The following RAD51B variants were observed in gnomAD, a reference collection of about 807,000 sequenced individuals.
The protein encoded by RAD51B is RAD51 paralog B.
Under a neutral mutation model 42.2 loss-of-function variants are expected in RAD51B, and 38 were observed. The ratio of observed to expected loss-of-function variants is 0.90; its 90% CI spans 0.70 to 1.18. The LOEUF (loss-of-function observed/expected upper bound fraction) is 1.18. Ranked by LOEUF, RAD51B falls within the 50% of genes most tolerant of loss-of-function variation. The probability of loss-of-function intolerance (pLI) is 0.00; values close to 1 mark genes in which losing one functional copy is unlikely to be tolerated. For synonymous variants in RAD51B, 154 were observed against 145.2 expected, an observed-to-expected ratio of 1.06 and a Z score of -0.43; for missense variants, 373 against 400.7, an observed-to-expected ratio of 0.93 and a Z score of 0.59.
intron 7 of RAD51B, among the ~76,000 whole-genome samples, chr14:68,123,745 T>C (rs1217545494): frequency 2.0e-5 from 3 of 151,910 alleles, no homozygotes; most frequent in Non-Finnish European, 2.9e-5. Context: ...GAGGTGGAGG[T>C]TGCAGTGAGC....
chr14:68,030,855 A>G (rs1032656665), intron 7 of RAD51B, among the ~76,000 whole-genome samples: 13 of 152,326 alleles, frequency 8.5e-5, no homozygotes, highest in Admixed American at 7.8e-4. Flanking sequence ...GTGAACACCT[A>G]GAGGCCACTG....
chr14:68,173,147 C>T (rs1342203820), intron 7 of RAD51B, among the ~76,000 whole-genome samples: 1 of 152,152 alleles, frequency 6.6e-6, no homozygotes, highest in Non-Finnish European at 1.5e-5. Context: ...AAGTCAGTGG[C>T]AAATTCAAAT....
chr14:68,406,964 A>C (rs1476890274), intron 8 of RAD51B, among the ~76,000 whole-genome samples: 1 of 152,174 alleles, frequency 6.6e-6, no homozygotes, highest in Non-Finnish European at 1.5e-5. Flanking sequence ...GTCTCACTGG[A>C]AAGTCTTCAG....
intron 7 of RAD51B, among the ~76,000 whole-genome samples, chr14:68,095,378 C>A (rs534404260): frequency 6.6e-6 from 1 of 151,870 alleles, no homozygotes; most frequent in Non-Finnish European, 1.5e-5. Context: ...TGATGCACTC[C>A]GATTAATAGA....
At chr14:68,417,339 C>T (rs1170034062) in intron 9 of RAD51B, among the ~76,000 whole-genome samples, 2 of 152,164 alleles carry the variant, frequency 1.3e-5, no homozygotes, top group African/African-American at 4.8e-5. Flanking sequence ...GATGAAAACT[C>T]TTTTTAAGCA....
At chr14:68,035,496 T>A (rs1036062639) in intron 7 of RAD51B, among the ~76,000 whole-genome samples, 1 of 152,216 alleles carries the variant, frequency 6.6e-6, no homozygotes, top group Non-Finnish European at 1.5e-5. Context: ...GCTTTCCTCA[T>A]TACTGTTTTA....
intron 8 of RAD51B, among the ~76,000 whole-genome samples, chr14:68,321,697 C>A (rs968466940): frequency 6.6e-6 from 1 of 152,194 alleles, no homozygotes; most frequent in East Asian, 1.9e-4. Flanking sequence ...ATCATTCTGA[C>A]CTCACATTGT....
chr14:67,857,327 A>T (rs1224603880), intron 4 of RAD51B, among the ~76,000 whole-genome samples: 1 of 152,184 alleles, frequency 6.6e-6, no homozygotes, highest in African/African-American at 2.4e-5. Context: ...CTCTAATCCA[A>T]ACTCAACAAA....
chr14:67,871,617 G>A (rs866576279), intron 5 of RAD51B, among the ~76,000 whole-genome samples: 9 of 151,946 alleles, frequency 5.9e-5, no homozygotes, highest in East Asian at 1.9e-4. Context: ...TACCAAAGCC[G>A]GGCAGAGACA....
downstream of RAD51B, among the ~76,000 whole-genome samples, chr14:68,599,595 G>A (rs1332757403): frequency 6.6e-6 from 1 of 152,136 alleles, no homozygotes; most frequent in Non-Finnish European, 1.5e-5. Flanking sequence ...CATCAGATCC[G>A]CCCCATCTAC....
chr14:68,563,800 C>G, intron 10 of RAD51B: 1 of 985,226 alleles, frequency 1.0e-6, no homozygotes, highest in Non-Finnish European at 1.2e-6. Flanking sequence ...GAAACGACAG[C>G]TCGGTAATGA....
chr14:67,879,942 G>A (rs954587010), intron 5 of RAD51B, among the ~76,000 whole-genome samples: 1 of 152,118 alleles, frequency 6.6e-6, no homozygotes, highest in Non-Finnish European at 1.5e-5. Context: ...CCATATTATT[G>A]CATTTTTTCT....
intron 8 of RAD51B, among the ~76,000 whole-genome samples, chr14:68,399,810 A>G (rs55665241): frequency 0.54 from 81,403 of 151,858 alleles, 23,073 homozygotes; most frequent in Admixed American, 0.66. Flanking sequence ...ATTATATAAT[A>G]TACTGGCAAT....
intron 8 of RAD51B, among the ~76,000 whole-genome samples, chr14:68,293,775 A>G (rs1216340892): frequency 6.6e-6 from 1 of 152,240 alleles, no homozygotes; most frequent in Admixed American, 6.5e-5. Context: ...GAAAAAGTCT[A>G]GAAAATTAAT....
Position 68,046,055 on chromosome 14 carries a change from A to G in RAD51B, c.756+158851A>G, listed in dbSNP as rs552162605. Reference sequence around the variant, plus strand: ...ATTGCAGAAGACCCTATCTCATTCTAGTGAGGAAGGTTCTATGAAGTAGAT... The same window carrying G: ...ATTGCAGAAGACCCTATCTCATTCTGGTGAGGAAGGTTCTATGAAGTAGAT... On this transcript the variant is annotated intron_variant, in intron 7 of 10. Transcript: ENST00000471583. Among the ~76,000 whole-genome samples, 25 of 152,200 alleles carry G rather than the reference A, an allele frequency of 1.6e-4. No homozygotes were observed. The South Asian group carries it at 4.6e-3, about 28-fold the overall frequency.
chr14:68,494,390 C>T lies in RAD51B; in HGVS notation c.1036+26140C>T, dbSNP rs146239774. Among the ~76,000 whole-genome samples the T allele has an allele frequency of 4.1e-3, 630 of 152,098 alleles. 2 individuals carry two copies. Among genetic ancestry groups the T allele is most frequent in the African/African-American group, 0.014 (593 of 41,492 alleles). ...TCCTGTGTACTGGAGGACATTTGTA[C>T]TTGCAGCCTCATCCAGAAAATGCCA... On this transcript the variant is annotated intron_variant, in intron 10 of 10. Coordinates refer to the RAD51B transcript ENST00000487270.
At chr14:68,201,719 A>T (rs2140926123) in intron 7 of RAD51B, among the ~76,000 whole-genome samples, 1 of 152,346 alleles carries the variant, frequency 6.6e-6, no homozygotes, top group Non-Finnish European at 1.5e-5. Context: ...GATAGTGATG[A>T]CTGTGGCCTG....
intron 7 of RAD51B, among the ~76,000 whole-genome samples, chr14:67,901,175 G>C (rs575462684): frequency 6.6e-6 from 1 of 152,312 alleles, no homozygotes; most frequent in South Asian, 2.1e-4. Flanking sequence ...TCCTAAGGAT[G>C]TTGCATCTGT....
At chr14:68,569,566 A>T (rs1425856915) in intron 10 of RAD51B, among the ~76,000 whole-genome samples, 1 of 152,220 alleles carries the variant, frequency 6.6e-6, no homozygotes, top group African/African-American at 2.4e-5. Context: ...GGGAAAGAAA[A>T]GTCCTGAATA....
Sources: gnomAD v4.1 joint callset for allele counts (sites outside exome capture counted in the v4.1 genomes callset) on GRCh38, gnomAD v4.1.1 for gene constraint, MANE v1.5 for transcripts, NCBI Gene and HGNC (gene_info 2026-07-23, HGNC 2026-07-21) for gene names.